UBE3D: variants seen among roughly 807,000 people sequenced by gnomAD.
UBE3D encodes the protein ubiquitin protein ligase E3D, also known as E3 ubiquitin-protein ligase E3D.
UBE3D carries 48 observed loss-of-function variants against 49.6 expected under a neutral mutation model. That is an observed-to-expected ratio of 0.97 (90% CI 0.77 to 1.23). The LOEUF is 1.23. UBE3D is among the 50% of genes most tolerant of loss of function. The pLI is 0.00. For missense variants in UBE3D, 452 were observed against 468.4 expected, an observed-to-expected ratio of 0.96 and a Z score of 0.32; for synonymous variants, 189 against 174.2, an observed-to-expected ratio of 1.08 and a Z score of -0.67.
chr6:82,969,348 G>A (rs914587604), intron 8 of UBE3D, among the ~76,000 whole-genome samples: 3 of 152,094 alleles, frequency 2.0e-5, no homozygotes, highest in Admixed American at 6.6e-5. Context: ...AGTGGCTCAC[G>A]ACTCTAATCC....
At chr6:82,897,268 A>G (rs781142613) in intron 9 of UBE3D, among the ~76,000 whole-genome samples, 12 of 152,186 alleles carry the variant, frequency 7.9e-5, no homozygotes, top group Non-Finnish European at 1.5e-4. Flanking sequence ...GGAAAAGGAC[A>G]AGGAAAGTTT....
chr6:82,944,688 T>G (rs879596685), intron 9 of UBE3D, among the ~76,000 whole-genome samples: 5 of 152,208 alleles, frequency 3.3e-5, no homozygotes, highest in Non-Finnish European at 7.3e-5. Context: ...GACTTGGTTT[T>G]TAGACAGCAT....
intron 7 of UBE3D, among the ~76,000 whole-genome samples, chr6:83,022,028 T>C (rs201716543): frequency 3.9e-5 from 6 of 152,086 alleles, no homozygotes; most frequent in Admixed American, 6.5e-5. Flanking sequence ...TAAACTGATA[T>C]TAACTTTTTT....
At chr6:83,017,292 C>G (rs192553386) in intron 8 of UBE3D, 9 of 152,052 alleles carry the variant, frequency 5.9e-5, no homozygotes, top group African/African-American at 1.9e-4. Context: ...ATATAAGATT[C>G]AACATACCTG....
chr6:82,909,854 A>G (rs1435940531), intron 9 of UBE3D, among the ~76,000 whole-genome samples: 1 of 152,202 alleles, frequency 6.6e-6, no homozygotes, highest in Non-Finnish European at 1.5e-5. Context: ...TCTGCTGCAC[A>G]GTAGGGGAAT....
chr6:82,906,137 ATTTTTT>A (rs572037603), intron 9 of UBE3D, among the ~76,000 whole-genome samples: 1 of 150,318 alleles, frequency 6.7e-6, no homozygotes, highest in African/African-American at 2.4e-5. Context: ...TAGCTCATAC[ATTTTTT>A]TTTTAACAGT....
At chr6:82,983,533 A>T (rs1322500875) in intron 8 of UBE3D, among the ~76,000 whole-genome samples, 2 of 144,700 alleles carry the variant, frequency 1.4e-5, no homozygotes, top group Non-Finnish European at 3.0e-5. Flanking sequence ...CAGGGAATAG[A>T]GCTAAAAAGT....
At chr6:82,883,905 G>A in the UBE3D span, among the ~76,000 whole-genome samples, 6 of 152,158 alleles carry the variant, frequency 3.9e-5, no homozygotes, top group East Asian at 1.2e-3. Context: ...GCTAACACCT[G>A]AGATTTCTGC....
chr6:82,958,084 G>A (rs192578666), intron 8 of UBE3D, among the ~76,000 whole-genome samples: 8 of 152,204 alleles, frequency 5.3e-5, no homozygotes, highest in Admixed American at 1.3e-4. Flanking sequence ...TATATCCTGC[G>A]GAACCTATTT....
At chr6:82,920,194 C>T (rs1225732749) in intron 9 of UBE3D, among the ~76,000 whole-genome samples, 3 of 152,096 alleles carry the variant, frequency 2.0e-5, no homozygotes, top group Non-Finnish European at 4.4e-5. Context: ...AAAGGGGATC[C>T]ATGTTTAGTA....
chr6:82,963,190 CTTT>C (rs5877828), intron 8 of UBE3D, among the ~76,000 whole-genome samples: 6 of 123,078 alleles, frequency 4.9e-5, no homozygotes, highest in Admixed American at 8.3e-5. Context: ...AAGTTTTCAT[CTTT>C]TTTTTTTTTT....
intron 8 of UBE3D, among the ~76,000 whole-genome samples, chr6:83,005,786 C>A (rs906011824): frequency 6.6e-6 from 1 of 152,060 alleles, no homozygotes; most frequent in Non-Finnish European, 1.5e-5. Context: ...ATATACATAC[C>A]ATGGAATGAT....
At chr6:83,063,818 G>A (rs771393438) in intron 1 of UBE3D, among the ~76,000 whole-genome samples, 17 of 152,146 alleles carry the variant, frequency 1.1e-4, no homozygotes, top group Non-Finnish European at 7.3e-5. Context: ...TTGGAGAACT[G>A]TTTGGCAATT....
intron 1 of UBE3D, among the ~76,000 whole-genome samples, chr6:83,061,182 G>A (rs1242172982): frequency 6.6e-6 from 1 of 152,176 alleles, no homozygotes; most frequent in Admixed American, 6.5e-5. Context: ...AATCCAAATG[G>A]AAGGATATTC....
chr6:82,891,989 G>A (rs1770989959), downstream of UBE3D, among the ~76,000 whole-genome samples: 1 of 151,628 alleles, frequency 6.6e-6, no homozygotes, highest in South Asian at 2.1e-4. Flanking sequence ...ATCTCCAGCT[G>A]GGCAACGAGA....
At chr6:82,954,482 T>C (rs1776022242) in intron 9 of UBE3D, among the ~76,000 whole-genome samples, 1 of 152,136 alleles carries the variant, frequency 6.6e-6, no homozygotes, top group Non-Finnish European at 1.5e-5. Context: ...GATTCAGCAG[T>C]GATAACAGCT....
intron 9 of UBE3D, among the ~76,000 whole-genome samples, chr6:82,917,623 A>C (rs1328711051): frequency 6.6e-6 from 1 of 152,182 alleles, no homozygotes; most frequent in East Asian, 1.9e-4. Context: ...CATATCCAAC[A>C]CTGAGCCTGT....
chr6:82,931,280 G>A (rs1774129438), intron 9 of UBE3D, among the ~76,000 whole-genome samples: 2 of 152,256 alleles, frequency 1.3e-5, no homozygotes, highest in South Asian at 4.1e-4. Flanking sequence ...AGCCCTCATG[G>A]AGAACTTCTG....
At chr6:83,026,133 A>T (rs1781443118) in intron 5 of UBE3D, among the ~76,000 whole-genome samples, 1 of 152,086 alleles carries the variant, frequency 6.6e-6, no homozygotes, top group Non-Finnish European at 1.5e-5. Context: ...AGAAATAATT[A>T]AAAATGAGGC....
Sources: allele counts gnomAD v4.1 joint callset (sites outside exome capture counted in the v4.1 genomes callset), GRCh38; gene constraint gnomAD v4.1.1; transcripts MANE v1.5; gene names NCBI Gene and HGNC (gene_info 2026-07-23, HGNC 2026-07-21).